The following TTC39B variants were observed in gnomAD, a reference collection of about 807,000 sequenced individuals.
TTC39B encodes tetratricopeptide repeat domain 39B.
TTC39B carries 92 observed loss-of-function variants against 96.6 expected under a neutral mutation model. The observed-to-expected ratio is 0.95, with a 90% CI of 0.80 to 1.13. TTC39B has a LOEUF of 1.13. Among genes scored for constraint, TTC39B ranks in the 50% most tolerant of loss-of-function variants. TTC39B has a pLI of 0.00. For synonymous variants in TTC39B, 367 were observed against 299.4 expected (o/e 1.23, Z -2.33); for missense variants, 955 against 809.3 (o/e 1.18, Z -2.18).
chr9:15,267,051 C>G (rs2131549088), intron 2 of TTC39B, among the ~76,000 whole-genome samples: 1 of 152,294 alleles, frequency 6.6e-6, no homozygotes, highest in South Asian at 2.1e-4. Flanking sequence ...TGCACTCCAA[C>G]CTGGGCGACA....
chr9:15,179,518 A>G (rs1181737374), intron 17 of TTC39B, among the ~76,000 whole-genome samples: 2 of 152,246 alleles, frequency 1.3e-5, no homozygotes, highest in African/African-American at 4.8e-5. Flanking sequence ...AACCACGGGT[A>G]TCAATAACAC....
intron 6 of TTC39B, among the ~76,000 whole-genome samples, chr9:15,205,419 A>G (rs954483528): frequency 1.3e-5 from 2 of 151,760 alleles, no homozygotes; most frequent in African/African-American, 4.8e-5. Flanking sequence ...CATACAACCC[A>G]CTGGTTCTCA....
chr9:15,265,495 T>G (rs545102865), intron 2 of TTC39B, among the ~76,000 whole-genome samples: 1 of 152,232 alleles, frequency 6.6e-6, no homozygotes. Flanking sequence ...GATCACCTAC[T>G]ATAGCCCAAG....
intron 6 of TTC39B, among the ~76,000 whole-genome samples, chr9:15,205,830 G>A (rs1042951159): frequency 6.6e-6 from 1 of 152,148 alleles, no homozygotes; most frequent in Non-Finnish European, 1.5e-5. Flanking sequence ...AGCGGTGGGG[G>A]AGCCGGGGCG....
At chr9:15,228,178 T>A (rs68022759) in intron 2 of TTC39B, among the ~76,000 whole-genome samples, 13,948 of 152,062 alleles carry the variant, frequency 0.092, 1,363 homozygotes, top group East Asian at 0.59. Flanking sequence ...GCTAAAATAA[T>A]TGGGACTGGG....
chr9:15,260,623 G>A (rs10756656), intron 2 of TTC39B, among the ~76,000 whole-genome samples: 30,583 of 150,456 alleles, frequency 0.2, 3,912 homozygotes, highest in Admixed American at 0.3. Context: ...CTAATGAGGG[G>A]AAAAAAAAAA....
chr9:15,200,465 C>T (rs774738949), intron 7 of TTC39B, among the ~76,000 whole-genome samples: 16 of 152,228 alleles, frequency 1.1e-4, no homozygotes, highest in Non-Finnish European at 1.9e-4. Flanking sequence ...GTCACTACTA[C>T]ACAATTTTGT....
chr9:15,274,971 G>A (rs1167740288), intron 1 of TTC39B, among the ~76,000 whole-genome samples: 1 of 151,664 alleles, frequency 6.6e-6, no homozygotes, highest in Admixed American at 6.6e-5. Context: ...TTCTCCAGGT[G>A]TAGGATTAAT....
chr9:15,240,318 G>T (rs1465812111), intron 2 of TTC39B, among the ~76,000 whole-genome samples: 2 of 152,166 alleles, frequency 1.3e-5, no homozygotes, highest in Admixed American at 1.3e-4. Flanking sequence ...CAAAGGGCAA[G>T]CACCAACAAA....
chr9:15,293,371 T>C (rs1395594408), intron 1 of TTC39B, among the ~76,000 whole-genome samples: 1 of 152,170 alleles, frequency 6.6e-6, no homozygotes, highest in Non-Finnish European at 1.5e-5. Context: ...GCTGAGCACC[T>C]GGAGGTGGGC....
chr9:15,306,966 C>A lies in TTC39B; in HGVS notation c.240+118G>T. ...CCCCCACCCGGCGCCCGCCAGCCCA[C>A]CCCAGAGAGGGGACCAAGGGGGCGG... On this transcript the variant is annotated intron_variant, in intron 1 of 19. Coordinates refer to ENST00000512701, the Ensembl canonical transcript of TTC39B. The surrounding 1 kb of genome is among the most constrained non-coding windows in gnomAD (Gnocchi z 5.1). 2.1e-6 allele frequency: 3 copies of A among 1,462,290 alleles called. No homozygotes were observed. Among genetic ancestry groups the A allele is most frequent in the Non-Finnish European group, 2.7e-6 (3 of 1,092,320 alleles). 90.6% of individuals were successfully genotyped at this position (1,462,290 alleles called of 1,614,324 possible).
chr9:15,279,707 G>A (rs565472682), intron 1 of TTC39B, among the ~76,000 whole-genome samples: 7 of 152,160 alleles, frequency 4.6e-5, no homozygotes, highest in Non-Finnish European at 5.9e-5. Flanking sequence ...CCTGGGAAAG[G>A]TTAGGAAGTG....
intron 3 of TTC39B, among the ~76,000 whole-genome samples, chr9:15,222,542 A>G (rs1197222226): frequency 6.6e-6 from 1 of 152,192 alleles, no homozygotes; most frequent in African/African-American, 2.4e-5. Flanking sequence ...CGTAACCTTC[A>G]TGATTGAGCC....
At chr9:15,244,907 T>A (rs1586949259) in intron 2 of TTC39B, among the ~76,000 whole-genome samples, 2 of 152,044 alleles carry the variant, frequency 1.3e-5, no homozygotes, top group East Asian at 3.8e-4. Flanking sequence ...TGACAACAAG[T>A]TTTCCTTTTA....
intron 1 of TTC39B, among the ~76,000 whole-genome samples, chr9:15,269,787 G>T (rs556694864): frequency 6.6e-6 from 1 of 150,518 alleles, no homozygotes; most frequent in Non-Finnish European, 1.5e-5. Flanking sequence ...CCTGGGAGGC[G>T]GACGTTACAG....
intron 8 of TTC39B, among the ~76,000 whole-genome samples, chr9:15,196,106 T>C (rs1357308702): frequency 2.0e-5 from 3 of 152,198 alleles, no homozygotes; most frequent in Admixed American, 6.5e-5. Flanking sequence ...TGAGATCCAC[T>C]GCTCAGGGAA....
Position 15,172,157 on chromosome 9 carries a change from C to T in TTC39B, c.1959-48G>A, listed in dbSNP as rs1349687602. ...TGTACAGTCAAAATTTCCTTATATA[C>T]CAGGTACCACCACTCTCCCATTCCT... On this transcript the variant is annotated intron_variant, in intron 19 of 19. Coordinates refer to ENST00000512701, the Ensembl canonical transcript of TTC39B. 10 of 1,267,622 alleles carry T rather than the reference C, an allele frequency of 7.9e-6. No individual in the cohort carries two copies. The East Asian group carries it at 1.6e-4, about 21-fold the overall frequency. The allele number at this position is 1,267,622 out of a possible 1,614,324, so 78.5% of individuals were successfully genotyped here.
chr9:15,301,335 TGTGTTAA>T (rs1824580394), intron 1 of TTC39B, among the ~76,000 whole-genome samples: 1 of 152,236 alleles, frequency 6.6e-6, no homozygotes, highest in South Asian at 2.1e-4. Flanking sequence ...TACAGTGACT[TGTGTTAA>T]GTGTTTTGCT....
intron 1 of TTC39B, among the ~76,000 whole-genome samples, chr9:15,293,496 A>C (rs1205057015): frequency 6.6e-6 from 1 of 152,208 alleles, no homozygotes; most frequent in Non-Finnish European, 1.5e-5. Context: ...TGAGAAAAGA[A>C]ACCACAAGCA....
Sources: gnomAD v4.1 joint callset for allele counts (sites outside exome capture counted in the v4.1 genomes callset) on GRCh38, gnomAD v4.1.1 for gene constraint, Gnocchi (gnomAD v3.1) non-coding constraint, MANE v1.5 for transcripts, NCBI Gene and HGNC (gene_info 2026-07-23, HGNC 2026-07-21) for gene names.